Variants in BBS9 observed in about 807,000 individuals in gnomAD.
BBS9 encodes the protein protein PTHB1.
Under a neutral mutation model 117.7 loss-of-function variants are expected in BBS9, and 89 were observed. That is an observed-to-expected ratio of 0.76 (90% CI 0.64 to 0.90). BBS9 has a LOEUF of 0.90. BBS9 is among the 40% of genes least tolerant of loss of function. The pLI is 0.00. For synonymous variants in BBS9, 379 were observed against 370.9 expected (o/e 1.02, Z -0.25); for missense variants, 982 against 1,042.2 (o/e 0.94, Z 0.80).
chr7:33,491,674 C>T (rs920327641), intron 19 of BBS9, among the ~76,000 whole-genome samples: 1 of 152,098 alleles, frequency 6.6e-6, no homozygotes, highest in African/African-American at 2.4e-5. Context: ...CAAGTCATTC[C>T]AAATGTGATG....
At chr7:33,214,326 A>C (rs747584858) in intron 5 of BBS9, among the ~76,000 whole-genome samples, 3 of 152,084 alleles carry the variant, frequency 2.0e-5, no homozygotes, top group Non-Finnish European at 2.9e-5. Context: ...TGAAGTGCAC[A>C]GACTCTACAC....
At chr7:33,409,634 G>A (rs1211531163) in intron 19 of BBS9, among the ~76,000 whole-genome samples, 1 of 152,120 alleles carries the variant, frequency 6.6e-6, no homozygotes, top group African/African-American at 2.4e-5. Context: ...AGCAGTGTAT[G>A]AGGATTCTGT....
At chr7:33,530,271 G>T (rs550278845) in intron 20 of BBS9, among the ~76,000 whole-genome samples, 20 of 152,286 alleles carry the variant, frequency 1.3e-4, no homozygotes, top group Admixed American at 1.3e-3. Flanking sequence ...CTATATTAAA[G>T]AAATATACCA....
At chr7:33,483,172 G>A (rs1184209720) in intron 19 of BBS9, among the ~76,000 whole-genome samples, 1 of 152,040 alleles carries the variant, frequency 6.6e-6, no homozygotes, top group Non-Finnish European at 1.5e-5. Context: ...CTATAATTTG[G>A]TCCTAGACCT....
chr7:33,438,542 AG>A (rs1200492058), intron 19 of BBS9, among the ~76,000 whole-genome samples: 1 of 152,256 alleles, frequency 6.6e-6, no homozygotes, highest in African/African-American at 2.4e-5. Flanking sequence ...AGACATTGAA[AG>A]ATGCTTAACC....
intron 19 of BBS9, among the ~76,000 whole-genome samples, chr7:33,410,845 T>C (rs544293363): frequency 3.8e-4 from 57 of 149,904 alleles, no homozygotes; most frequent in East Asian, 2.9e-3. Context: ...AACTTTTCTT[T>C]GTGTTTCTCT....
At chr7:33,135,170 G>A (rs992075577) in intron 1 of BBS9, among the ~76,000 whole-genome samples, 3 of 152,210 alleles carry the variant, frequency 2.0e-5, no homozygotes, top group African/African-American at 7.2e-5. Context: ...GGAATTACAG[G>A]CATTAGCCAC....
At chr7:33,550,710 T>A (rs989280248) in intron 21 of BBS9, among the ~76,000 whole-genome samples, 1 of 152,192 alleles carries the variant, frequency 6.6e-6, no homozygotes, top group South Asian at 2.1e-4. Flanking sequence ...ATTGTTGGAA[T>A]AGTCAAGTCC....
chr7:33,196,255 A>G (rs745760851), intron 5 of BBS9, among the ~76,000 whole-genome samples: 2 of 152,124 alleles, frequency 1.3e-5, no homozygotes, highest in Non-Finnish European at 2.9e-5. Context: ...TCTTGAGACA[A>G]TCCTAGATAA....
At chr7:33,136,330 A>C (rs79271569) in intron 1 of BBS9, among the ~76,000 whole-genome samples, 2,194 of 152,088 alleles carry the variant, frequency 0.014, 58 homozygotes, top group African/African-American at 0.05. Context: ...TTTTTTTCCA[A>C]TTTGGAAGCC....
chr7:33,279,645 G>A (rs1384612078), intron 9 of BBS9, among the ~76,000 whole-genome samples: 1 of 152,032 alleles, frequency 6.6e-6, no homozygotes, highest in Non-Finnish European at 1.5e-5. Flanking sequence ...CACCTACTTG[G>A]CAGCTTTAGT....
chr7:33,258,958 G>A (rs559525624), intron 6 of BBS9, among the ~76,000 whole-genome samples: 1 of 152,008 alleles, frequency 6.6e-6, no homozygotes, highest in Non-Finnish European at 1.5e-5. Context: ...AAATGTACAC[G>A]TTATGCATTA....
chr7:33,573,120 C>G (rs1222312003), intron 21 of BBS9, among the ~76,000 whole-genome samples: 1 of 151,906 alleles, frequency 6.6e-6, no homozygotes, highest in Non-Finnish European at 1.5e-5. Flanking sequence ...TAATATGCCC[C>G]CATCATTTTT....
chr7:33,449,567 G>C (rs1732379986), intron 19 of BBS9, among the ~76,000 whole-genome samples: 1 of 152,088 alleles, frequency 6.6e-6, no homozygotes, highest in Non-Finnish European at 1.5e-5. Context: ...TGGCCTGAAG[G>C]TTTACTATTT....
At chr7:33,531,859 C>T (rs1195460947) in intron 20 of BBS9, among the ~76,000 whole-genome samples, 1 of 152,142 alleles carries the variant, frequency 6.6e-6, no homozygotes, top group Non-Finnish European at 1.5e-5. Context: ...AGATGGTTGC[C>T]GTTGTATAAA....
intron 19 of BBS9, among the ~76,000 whole-genome samples, chr7:33,388,406 A>G (rs1826425963): frequency 6.6e-6 from 1 of 152,144 alleles, no homozygotes; most frequent in Admixed American, 6.5e-5. Context: ...AGGATTTTTA[A>G]TCTTTTATGT....
At chr7:33,590,459 G>GTTTTT (rs71554107) in intron 21 of BBS9, among the ~76,000 whole-genome samples, 7 of 101,496 alleles carry the variant, frequency 6.9e-5, no homozygotes, top group Non-Finnish European at 9.8e-5. Flanking sequence ...TTGTTTTTTT[G>GTTTTT]TTTTTTTTTT....
chr7:33,265,835 T>C (rs1353878949), intron 7 of BBS9, among the ~76,000 whole-genome samples: 4 of 152,062 alleles, frequency 2.6e-5, no homozygotes, highest in Non-Finnish European at 1.5e-5. Context: ...AGAGCAAGAC[T>C]CCGTCTCAAA....
At chr7:33,467,571 C>CCT (rs1488235035) in intron 19 of BBS9, among the ~76,000 whole-genome samples, 2 of 142,694 alleles carry the variant, frequency 1.4e-5, no homozygotes, top group African/African-American at 5.6e-5. Flanking sequence ...CCCCCAACTC[C>CCT]GCCACCTCCA....
Sources: allele counts gnomAD v4.1 joint callset (sites outside exome capture counted in the v4.1 genomes callset), GRCh38; gene constraint gnomAD v4.1.1; transcripts MANE v1.5; gene names NCBI Gene and HGNC (gene_info 2026-07-23, HGNC 2026-07-21).